The following RSU1 variants were observed in gnomAD, a reference collection of about 807,000 sequenced individuals.
RSU1 encodes Ras suppressor protein 1.
A neutral mutation model predicts 31.1 loss-of-function variants in RSU1; 26 were observed. The observed-to-expected ratio is 0.84, with a 90% confidence interval of 0.61 to 1.16. The LOEUF (loss-of-function observed/expected upper bound fraction) is 1.16. Among genes scored for constraint, RSU1 ranks in the 50% most tolerant of loss-of-function variants. RSU1 has a pLI of 0.00. For missense variants in RSU1, 320 were observed against 339.1 expected (o/e 0.94, Z 0.44); for synonymous variants, 164 against 136.3 (o/e 1.20, Z -1.41).
chr10:16,719,521 C>A (rs539394711), intron 7 of RSU1, among the ~76,000 whole-genome samples: 1 of 152,194 alleles, frequency 6.6e-6, no homozygotes, highest in Non-Finnish European at 1.5e-5. Flanking sequence ...TCTTCAGAGA[C>A]GCCTCCTGGA....
chr10:16,753,174 T>G lies in RSU1; in HGVS notation c.401-174A>C, dbSNP rs556615009. Among the ~76,000 whole-genome samples the G allele has an allele frequency of 2.6e-5, 4 of 152,300 alleles. No homozygotes were observed. In the South Asian group the frequency reaches 8.3e-4, roughly 32 times the overall value. On this transcript the variant is annotated intron_variant, in intron 5 of 8. Transcript: ENST00000345264. ...GTCAAACTTAGATTTACTGGCTTAT[T>G]GTGTAGCTGGTGTGTCCAGGAAAAC...
chr10:16,808,200 G>A lies in RSU1; in HGVS notation c.109+8773C>T, dbSNP rs189635765. On this transcript the variant is annotated intron_variant, in intron 2 of 8. Transcript: ENST00000345264. ...ACACACTCAAGAGTGAACTCCAACC[G>A]GGCGCAGTGGCTCACACCTGTAATC... Among the ~76,000 whole-genome samples the A allele has an allele frequency of 5.3e-5, 8 of 151,442 alleles. No homozygotes were observed. The East Asian group carries it at 5.9e-4, about 11-fold the overall frequency.
In RSU1 at chr10:16,710,254, C is replaced by T. The variant is rs140618890; in HGVS notation, c.599-15099G>A. On this transcript the variant is annotated intron_variant, in intron 7 of 8. Coordinates refer to ENST00000345264, the MANE Select transcript of RSU1 (RefSeq NM_012425.4). The stretch of plus-strand genomic sequence containing the variant: ...ATGTCAAATGCTTTTTCTGCATCTA[C>T]TGAAATGATCATATTGTTTTTGTCT... Among the ~76,000 whole-genome samples, 4 of 152,258 alleles carry T rather than the reference C, an allele frequency of 2.6e-5. No individual in the cohort carries two copies. The East Asian group carries it at 5.8e-4, about 22-fold the overall frequency.
At chr10:16,737,768 A>AC (rs397845135) in intron 7 of RSU1, among the ~76,000 whole-genome samples, 11 of 150,636 alleles carry the variant, frequency 7.3e-5, no homozygotes, top group Middle Eastern at 3.4e-3. Flanking sequence ...AAAAAAAAAA[A>AC]CAATATTACT....
chr10:16,754,376 T>TTTTTAAAA (rs1402344642), intron 5 of RSU1, among the ~76,000 whole-genome samples: 2 of 152,194 alleles, frequency 1.3e-5, no homozygotes, highest in Non-Finnish European at 2.9e-5. Flanking sequence ...GCCTGTGTAC[T>TTTTTAAAA]GGATAAATAG....
chr10:16,726,421 C>T (rs1420778269), intron 7 of RSU1, among the ~76,000 whole-genome samples: 1 of 152,028 alleles, frequency 6.6e-6, no homozygotes, highest in African/African-American at 2.4e-5. Context: ...TGCCCACCAC[C>T]ACGCCCAGCT....
chr10:16,815,275 G>C (rs1463601748), intron 2 of RSU1, among the ~76,000 whole-genome samples: 1 of 152,226 alleles, frequency 6.6e-6, no homozygotes, highest in Non-Finnish European at 1.5e-5. Flanking sequence ...TTAATGGCAC[G>C]TATTTTCATA....
intron 2 of RSU1, among the ~76,000 whole-genome samples, chr10:16,814,369 GC>G (rs1838477961): frequency 6.6e-6 from 1 of 150,836 alleles, no homozygotes; most frequent in African/African-American, 2.4e-5. Flanking sequence ...GATTGCTTGA[GC>G]CTGGGAGGGT....
At chr10:16,789,330 G>A (rs1222945216) in intron 2 of RSU1, among the ~76,000 whole-genome samples, 3 of 152,116 alleles carry the variant, frequency 2.0e-5, no homozygotes, top group Admixed American at 6.5e-5. Context: ...TAGGTAAGAG[G>A]AAGAAAAACA....
At chr10:16,739,598 G>A (rs551734368) in intron 7 of RSU1, among the ~76,000 whole-genome samples, 24 of 150,900 alleles carry the variant, frequency 1.6e-4, no homozygotes, top group African/African-American at 5.8e-4. Flanking sequence ...AGCCTCCTGA[G>A]TAGCTGGGAC....
chr10:16,769,762 A>C (rs1837385506), intron 3 of RSU1, among the ~76,000 whole-genome samples: 1 of 152,222 alleles, frequency 6.6e-6, no homozygotes, highest in African/African-American at 2.4e-5. Flanking sequence ...CGATAATGCG[A>C]TGAGTATAAT....
At chr10:16,667,331 A>G (rs973115841) in intron 8 of RSU1, among the ~76,000 whole-genome samples, 2 of 152,186 alleles carry the variant, frequency 1.3e-5, no homozygotes, top group Non-Finnish European at 2.9e-5. Flanking sequence ...AGCTAAATCT[A>G]TTTATTACAA....
intron 8 of RSU1, among the ~76,000 whole-genome samples, chr10:16,609,807 C>A (rs1340000886): frequency 6.6e-6 from 1 of 152,218 alleles, no homozygotes; most frequent in East Asian, 1.9e-4. Flanking sequence ...TCACTGAATA[C>A]CTCGAGTGAG....
chr10:16,766,181 G>A (rs534989442), intron 3 of RSU1, among the ~76,000 whole-genome samples: 7 of 152,346 alleles, frequency 4.6e-5, no homozygotes, highest in African/African-American at 1.7e-4. Flanking sequence ...GGGAGCAGTG[G>A]TCTAGTGAGC....
In RSU1 at chr10:16,747,168, T is replaced by A. The variant is rs184837305; in HGVS notation, c.598+5371A>T. ...TGGGAGTCAGCCCGACCCATTAACA[T>A]CCTCGATCCTTCTGGCTTCAGTGTT... is the stretch of plus-strand genomic sequence containing the variant. On this transcript the variant is annotated intron_variant, in intron 7 of 8. Coordinates refer to ENST00000345264, the MANE Select transcript of RSU1 (RefSeq NM_012425.4). 2.9e-4 allele frequency among the ~76,000 whole-genome samples: 44 copies of A among 152,292 alleles called. No individual in the cohort carries two copies. The East Asian group carries it at 8.5e-3, about 29-fold the overall frequency.
At chr10:16,783,335 T>C (rs1336153385) in intron 2 of RSU1, among the ~76,000 whole-genome samples, 1 of 151,416 alleles carries the variant, frequency 6.6e-6, no homozygotes, top group African/African-American at 2.4e-5. Context: ...GAAGAAAATA[T>C]GCATCACTTC....
chr10:16,757,775 G>T (rs1837129619), intron 4 of RSU1, among the ~76,000 whole-genome samples: 1 of 152,214 alleles, frequency 6.6e-6, no homozygotes, highest in Non-Finnish European at 1.5e-5. Flanking sequence ...GAGAAGAATT[G>T]CAAGTCAAAG....
chr10:16,676,738 G>C (rs1182817328), intron 8 of RSU1, among the ~76,000 whole-genome samples: 4 of 152,058 alleles, frequency 2.6e-5, no homozygotes, highest in Non-Finnish European at 5.9e-5. Flanking sequence ...TTCAGATTTG[G>C]GATTTTTGGA....
At chr10:16,817,172 TC>T in intron 1 of RSU1, 88 bp from the exon 2 acceptor site, 2 of 954,858 alleles carry the variant, frequency 2.1e-6, no homozygotes, top group Non-Finnish European at 1.7e-6. Context: ...CTCTGAGGCT[TC>T]CCCAGGGTTG....
Sources: allele counts gnomAD v4.1 joint callset (sites outside exome capture counted in the v4.1 genomes callset), GRCh38; gene constraint gnomAD v4.1.1; transcripts MANE v1.5; gene names NCBI Gene and HGNC (gene_info 2026-07-23, HGNC 2026-07-21).